Variants in PTPRD observed in about 807,000 individuals in gnomAD.
PTPRD encodes the protein receptor-type tyrosine-protein phosphatase delta.
Under a neutral mutation model 214.5 loss-of-function variants are expected in PTPRD, and 34 were observed. That is an observed-to-expected ratio of 0.16 (90% CI 0.12 to 0.21). PTPRD has a LOEUF of 0.21. PTPRD is among the 10% of genes least tolerant of loss of function. The probability of loss-of-function intolerance (pLI) is 1.00; values close to 1 mark genes in which losing one functional copy is unlikely to be tolerated. For synonymous variants in PTPRD, 1,128 were observed against 845.7 expected (o/e 1.33, Z -5.79); for missense variants, 2,545 against 2,398.7 (o/e 1.06, Z -1.27).
chr9:9,384,343 C>CTTTTTTTTTTTTTTTTTTT lies in PTPRD; in HGVS notation c.-203+13087_-203+13105dup, dbSNP rs869246078. ...GATGATATTTGAGCAGAAGACTAGGCTTTTTTTTTTTTTTTTTTTTTTTTT... is the reference window on the plus strand; with the variant it reads ...GATGATATTTGAGCAGAAGACTAGGCTTTTTTTTTTTTTTTTTTTTTTTTTTTTTTTTTTTTTTTTTTTT... On this transcript the variant is annotated intron_variant, in intron 9 of 45. Coordinates refer to ENST00000381196, the MANE Select transcript of PTPRD (RefSeq NM_002839.4). Among the ~76,000 whole-genome samples, 2 of 33,318 alleles carry CTTTTTTTTTTTTTTTTTTT rather than the reference C, an allele frequency of 6.0e-5. 1 individual carries two copies. The highest frequency in any genetic ancestry group is 1.4e-4 in the Non-Finnish European group (2 of 14,296). 21.9% of individuals were successfully genotyped at this position (33,318 alleles called of 152,430 possible). A position where few individuals can be genotyped will look rare whatever the true frequency, so the allele number is the denominator to read the frequency against.
chr9:9,991,342 T>G (rs1390626145), intron 4 of PTPRD, among the ~76,000 whole-genome samples: 1 of 151,424 alleles, frequency 6.6e-6, no homozygotes, highest in Non-Finnish European at 1.5e-5. Flanking sequence ...ATTCAGAGAT[T>G]CTCTTTATCA....
chr9:8,773,522 ATC>A (rs1304111215), intron 11 of PTPRD, among the ~76,000 whole-genome samples: 2 of 152,076 alleles, frequency 1.3e-5, no homozygotes, highest in Non-Finnish European at 2.9e-5. Flanking sequence ...CATGTATTTT[ATC>A]TGTTTTATGG....
rs1025385800 is a variant in PTPRD at position 9,970,367 on chromosome 9, G to C, written c.-471-31757C>G. ...CGGGAGGCTGAGGCAGGAGAATGGCGTGAACCCGGGAGGCGGAGCTTGCAG... is the reference window on the plus strand; with the variant it reads ...CGGGAGGCTGAGGCAGGAGAATGGCCTGAACCCGGGAGGCGGAGCTTGCAG... On this transcript the variant is annotated intron_variant, in intron 4 of 45. Coordinates refer to ENST00000381196, the MANE Select transcript of PTPRD (RefSeq NM_002839.4). Among the ~76,000 whole-genome samples, 10 of 149,406 alleles carry C rather than the reference G, an allele frequency of 6.7e-5. No homozygotes were observed. In the East Asian group the frequency reaches 1.8e-3, roughly 26 times the overall value.
intron 7 of PTPRD, among the ~76,000 whole-genome samples, chr9:9,678,510 A>C (rs951275386): frequency 6.6e-6 from 1 of 151,938 alleles, no homozygotes; most frequent in African/African-American, 2.4e-5. Context: ...CTCCTAGAAA[A>C]CTTACACAAT....
intron 3 of PTPRD, among the ~76,000 whole-genome samples, chr9:10,139,074 T>G (rs2154265180): frequency 6.6e-6 from 1 of 151,970 alleles, no homozygotes; most frequent in African/African-American, 2.4e-5. Context: ...TAAAGAGGCA[T>G]CCAAATAGAA....
intron 10 of PTPRD, among the ~76,000 whole-genome samples, chr9:9,058,537 C>CT (rs1482548916): frequency 2.9e-5 from 4 of 139,594 alleles, no homozygotes; most frequent in Non-Finnish European, 4.6e-5. Context: ...CAGCCTCCGC[C>CT]CCCTGGGGTT....
intron 11 of PTPRD, among the ~76,000 whole-genome samples, chr9:8,893,489 C>T (rs2098561349): frequency 6.6e-6 from 1 of 152,190 alleles, no homozygotes. Context: ...CACCATTTCA[C>T]TCTCAGAAAA....
chr9:10,257,458 T>C (rs1213274798), intron 3 of PTPRD, among the ~76,000 whole-genome samples: 1 of 151,946 alleles, frequency 6.6e-6, no homozygotes, highest in Non-Finnish European at 1.5e-5. Flanking sequence ...GAGAGAAAAA[T>C]TCATAGCCAG....
chr9:9,118,845 T>A (rs2099814808), intron 10 of PTPRD, among the ~76,000 whole-genome samples: 1 of 152,202 alleles, frequency 6.6e-6, no homozygotes, highest in South Asian at 2.1e-4. Flanking sequence ...AAGAGCATTT[T>A]ATTTTTTAAC....
chr9:8,663,272 G>C (rs1565097433), intron 12 of PTPRD, among the ~76,000 whole-genome samples: 1 of 146,752 alleles, frequency 6.8e-6, no homozygotes, highest in Non-Finnish European at 1.5e-5. Flanking sequence ...AACTAGTATT[G>C]AGATAATTGG....
intron 14 of PTPRD, among the ~76,000 whole-genome samples, chr9:8,621,883 A>G (rs758462853): frequency 6.6e-6 from 1 of 151,978 alleles, no homozygotes; most frequent in Non-Finnish European, 1.5e-5. Flanking sequence ...AGTAACTTAT[A>G]TAACAGTGTT....
At chr9:9,068,143 C>T (rs537932531) in intron 10 of PTPRD, among the ~76,000 whole-genome samples, 31 of 152,114 alleles carry the variant, frequency 2.0e-4, no homozygotes, top group East Asian at 7.7e-4. Flanking sequence ...ATAATTTTCT[C>T]GAGATTCATC....
intron 7 of PTPRD, among the ~76,000 whole-genome samples, chr9:9,622,919 T>A (rs1469069330): frequency 1.3e-5 from 2 of 152,132 alleles, no homozygotes; most frequent in African/African-American, 4.8e-5. Flanking sequence ...AGCCTCAAGT[T>A]CTAGAGATTT....
intron 12 of PTPRD, among the ~76,000 whole-genome samples, chr9:8,717,949 A>G (rs920922670): frequency 3.9e-5 from 6 of 152,128 alleles, no homozygotes; most frequent in Non-Finnish European, 8.8e-5. Context: ...AATTATCTTT[A>G]CCACTAGTCT....
At chr9:8,409,682 CATACA>C (rs2093353224) in intron 35 of PTPRD, among the ~76,000 whole-genome samples, 1 of 152,052 alleles carries the variant, frequency 6.6e-6, no homozygotes, top group Non-Finnish European at 1.5e-5. Flanking sequence ...TGCAAAACAC[CATACA>C]ATACTAGTTG....
rs2099409295 is a variant in PTPRD at position 8,999,436 on chromosome 9, T to A, written c.-104+19261A>T. Among the ~76,000 whole-genome samples the A allele has an allele frequency of 2.6e-5, 4 of 152,080 alleles. No individual in the cohort carries two copies. In the South Asian group the frequency reaches 8.3e-4, roughly 31 times the overall value. On this transcript the variant is annotated intron_variant, in intron 11 of 45. Transcript: ENST00000381196. ...GGCTCAGATGATTGTTAGCATATTT[T>A]AGCAATAAACTATTTTTAATTAAGA...
intron 7 of PTPRD, 60 bp downstream of exon 7, chr9:9,734,473 A>G (rs1397442597): frequency 1.3e-5 from 2 of 152,128 alleles, no homozygotes; most frequent in Non-Finnish European, 2.9e-5. Context: ...TCCAAGGAAT[A>G]GTGACAAACA....
At chr9:9,841,570 C>T (rs935981990) in intron 5 of PTPRD, among the ~76,000 whole-genome samples, 9 of 152,076 alleles carry the variant, frequency 5.9e-5, no homozygotes, top group African/African-American at 1.9e-4. Flanking sequence ...GAACATGGAC[C>T]TAGCGATAGA....
intron 12 of PTPRD, among the ~76,000 whole-genome samples, chr9:8,668,476 C>T (rs1030844155): frequency 5.3e-5 from 8 of 152,162 alleles, no homozygotes; most frequent in African/African-American, 1.9e-4. Flanking sequence ...TTAAGCCAAA[C>T]TGTATGGCAA....
Sources: allele counts gnomAD v4.1 joint callset (sites outside exome capture counted in the v4.1 genomes callset), GRCh38; gene constraint gnomAD v4.1.1; transcripts MANE v1.5; gene names NCBI Gene and HGNC (gene_info 2026-07-23, HGNC 2026-07-21).